PRTFDC1: variants seen among roughly 807,000 people sequenced by gnomAD.
PRTFDC1 encodes phosphoribosyl transferase domain containing 1.
In PRTFDC1, 38 loss-of-function variants were observed where a neutral mutation model predicts 34.6. That is an observed-to-expected ratio of 1.10 (90% CI 0.85 to 1.44). The LOEUF (loss-of-function observed/expected upper bound fraction) is 1.44, where lower values mean the gene tolerates loss of function less well. PRTFDC1 is among the 40% of genes most tolerant of loss of function. The pLI, the probability that PRTFDC1 is intolerant of heterozygous loss-of-function variation, is 0.00. For missense variants in PRTFDC1, 270 were observed against 283.0 expected (o/e 0.95, Z 0.33); for synonymous variants, 93 against 98.1 (o/e 0.95, Z 0.31).
chr10:24,951,427 G>T, intron 1 of PRTFDC1: 1 of 481,368 alleles, frequency 2.1e-6, no homozygotes, highest in Non-Finnish European at 2.7e-6. Context: ...CGTGTGGAAT[G>T]AATAAATCAA....
chr10:24,894,459 A>G (rs1348840950), intron 3 of PRTFDC1, among the ~76,000 whole-genome samples: 1 of 152,138 alleles, frequency 6.6e-6, no homozygotes, highest in African/African-American at 2.4e-5. Flanking sequence ...CTGACCACTG[A>G]CCATCACCAG....
At chr10:24,870,644 A>G (rs1258883074) in intron 4 of PRTFDC1, among the ~76,000 whole-genome samples, 1 of 152,160 alleles carries the variant, frequency 6.6e-6, no homozygotes. Flanking sequence ...ATGTTGTTTT[A>G]TGCACCAATG....
At chr10:24,880,834 T>TCTTC (rs1848061303) in intron 3 of PRTFDC1, among the ~76,000 whole-genome samples, 1 of 139,098 alleles carries the variant, frequency 7.2e-6, no homozygotes, top group African/African-American at 3.0e-5. Flanking sequence ...TTTCTTTCTT[T>TCTTC]CTTTCTTTCT....
chr10:24,849,978 C>G (rs1215734119), intron 8 of PRTFDC1, 87 bp from the exon 9 acceptor site: 1 of 1,206,414 alleles, frequency 8.3e-7, no homozygotes, highest in Non-Finnish European at 1.2e-6. Flanking sequence ...CGAATGCCAT[C>G]CTGTAATTGG....
intron 3 of PRTFDC1, among the ~76,000 whole-genome samples, chr10:24,908,041 G>A (rs1053871048): frequency 1.3e-5 from 2 of 152,108 alleles, no homozygotes; most frequent in Admixed American, 1.3e-4. Context: ...TTAAAATGTG[G>A]GAAAATTTTA....
At chr10:24,859,466 G>A (rs150208174) in intron 4 of PRTFDC1, among the ~76,000 whole-genome samples, 2 of 152,120 alleles carry the variant, frequency 1.3e-5, no homozygotes, top group African/African-American at 4.8e-5. Flanking sequence ...TACCATGTTG[G>A]CCAGGCTGAG....
At chr10:24,932,379 G>T (rs1214475871) in intron 3 of PRTFDC1, among the ~76,000 whole-genome samples, 1 of 151,810 alleles carries the variant, frequency 6.6e-6, no homozygotes, top group African/African-American at 2.4e-5. Context: ...ATTTAAGGAA[G>T]AAATTATTAT....
chr10:24,860,788 T>C (rs983282954), intron 4 of PRTFDC1, among the ~76,000 whole-genome samples: 1 of 152,160 alleles, frequency 6.6e-6, no homozygotes, highest in African/African-American at 2.4e-5. Context: ...ATTTCTATGA[T>C]CCTAACAACC....
In PRTFDC1 at chr10:24,923,689, G is replaced by A. The variant is rs145961701; in HGVS notation, c.339+13495C>T. Among the ~76,000 whole-genome samples the A allele has an allele frequency of 9.2e-3, 1,401 of 152,240 alleles. 11 individuals carry two copies. Among genetic ancestry groups the A allele is most frequent in the Non-Finnish European group, 0.015 (987 of 68,014 alleles). ...CAAAGGTAGATAAAACCACAAAGAC[G>A]GGGAGAAACCAGAGCAGAAAAGCTG... On this transcript the variant is annotated intron_variant, in intron 3 of 8. Coordinates refer to ENST00000320152, the MANE Select transcript of PRTFDC1 (RefSeq NM_020200.7).
At chr10:24,946,164 C>T (rs995752213) in intron 1 of PRTFDC1, among the ~76,000 whole-genome samples, 7 of 152,054 alleles carry the variant, frequency 4.6e-5, no homozygotes, top group African/African-American at 1.4e-4. Flanking sequence ...TTACTGCCCC[C>T]GTTCTGGTTG....
At chr10:24,857,315 A>C (rs781739973) in intron 5 of PRTFDC1, among the ~76,000 whole-genome samples, 2 of 152,170 alleles carry the variant, frequency 1.3e-5, no homozygotes, top group Non-Finnish European at 2.9e-5. Flanking sequence ...TCAAGGACTA[A>C]ATTTGGCCCT....
chr10:24,852,182 G>A (rs1405561010), intron 7 of PRTFDC1, among the ~76,000 whole-genome samples: 14 of 151,500 alleles, frequency 9.2e-5, no homozygotes, highest in Admixed American at 9.2e-4. Context: ...TTGTCAGAAA[G>A]GATTCTTTTT....
rs912190226 is a variant in PRTFDC1 at position 24,910,029 on chromosome 10, T to C, written c.339+27155A>G. On this transcript the variant is annotated intron_variant, in intron 3 of 8. Coordinates refer to ENST00000320152, the MANE Select transcript of PRTFDC1 (RefSeq NM_020200.7). ...AAAAAAAAATAGCCAGGCATGGTGG[T>C]ACATGCCTGTAACCCCAGCTTCTCG... Among the ~76,000 whole-genome samples, 5 of 148,660 alleles carry C rather than the reference T, an allele frequency of 3.4e-5. No individual in the cohort carries two copies. In the South Asian group the frequency reaches 1.1e-3, roughly 32 times the overall value.
Position 24,926,640 on chromosome 10 carries a change from C to T in PRTFDC1, c.339+10544G>A, listed in dbSNP as rs761218432. On this transcript the variant is annotated intron_variant, in intron 3 of 8. Transcript: ENST00000320152. ...CCGGGATTACAGGCATGAGCCACTG[C>T]GTCCGGCCATTTCATCCATCTTTCA... 1.9e-3 allele frequency among the ~76,000 whole-genome samples: 297 copies of T among 152,324 alleles called. 1 individual carries two copies. Among genetic ancestry groups the T allele is most frequent in the Admixed American group, 4.6e-4 (7 of 15,302 alleles).
chr10:24,871,646 GA>G (rs61544719), intron 4 of PRTFDC1, among the ~76,000 whole-genome samples: 16,188 of 131,046 alleles, frequency 0.12, 951 homozygotes, highest in South Asian at 0.16. Context: ...GAGGATGGAT[GA>G]AAAAAAAAAA....
At chr10:24,869,723 T>C (rs765425694) in intron 4 of PRTFDC1, among the ~76,000 whole-genome samples, 2 of 152,212 alleles carry the variant, frequency 1.3e-5, no homozygotes, top group Non-Finnish European at 2.9e-5. Flanking sequence ...TCAGTCCCCG[T>C]TGAATCTCCT....
At chr10:24,892,879 G>A (rs147484378) in intron 3 of PRTFDC1, among the ~76,000 whole-genome samples, 5 of 152,252 alleles carry the variant, frequency 3.3e-5, no homozygotes, top group East Asian at 1.9e-4. Flanking sequence ...AAGGATACAC[G>A]AGTGATTTTT....
At chr10:24,903,478 A>G (rs1392189568) in intron 3 of PRTFDC1, among the ~76,000 whole-genome samples, 1 of 152,164 alleles carries the variant, frequency 6.6e-6, no homozygotes. Context: ...AAGTTTTTAA[A>G]AGGTGCCAAG....
intron 3 of PRTFDC1, among the ~76,000 whole-genome samples, chr10:24,894,347 A>AG (rs1418954639): frequency 1.4e-4 from 21 of 151,032 alleles, no homozygotes; most frequent in South Asian, 8.3e-4. Context: ...AAAAAAAAAA[A>AG]AGAGAGAGAA....
Sources: gnomAD v4.1 joint callset for allele counts (sites outside exome capture counted in the v4.1 genomes callset) on GRCh38, gnomAD v4.1.1 for gene constraint, MANE v1.5 for transcripts, NCBI Gene and HGNC (gene_info 2026-07-23, HGNC 2026-07-21) for gene names.